The following SPOCK1 variants were observed in gnomAD, a reference collection of about 807,000 sequenced individuals.
SPOCK1 encodes the protein SPARC (osteonectin), cwcv and kazal like domains proteoglycan 1.
In SPOCK1, 23 loss-of-function variants were observed where a neutral mutation model predicts 55.3. The observed-to-expected ratio is 0.42, with a 90% CI of 0.30 to 0.59. The LOEUF (loss-of-function observed/expected upper bound fraction) is 0.59, where lower values mean the gene tolerates loss of function less well. Ranked by LOEUF, SPOCK1 falls within the 20% of genes least tolerant of loss-of-function variation. The pLI is 0.22. For synonymous variants in SPOCK1, 226 were observed against 221.0 expected (o/e 1.02, Z -0.20); for missense variants, 499 against 552.5 (o/e 0.90, Z 0.97).
intron 5 of SPOCK1, among the ~76,000 whole-genome samples, chr5:137,083,953 T>A (rs1752916823): frequency 6.6e-6 from 1 of 152,014 alleles, no homozygotes; most frequent in Non-Finnish European, 1.5e-5. Flanking sequence ...ATCCCAGCTC[T>A]TGCTTGCCCA....
intron 3 of SPOCK1, among the ~76,000 whole-genome samples, chr5:137,195,826 A>G (rs1314174901): frequency 1.3e-5 from 2 of 152,180 alleles, no homozygotes; most frequent in Non-Finnish European, 2.9e-5. Flanking sequence ...TGGCTGGAAT[A>G]GGCTGGGCCA....
chr5:137,101,237 C>A (rs868717264), intron 5 of SPOCK1, among the ~76,000 whole-genome samples: 3 of 152,204 alleles, frequency 2.0e-5, no homozygotes, highest in Non-Finnish European at 4.4e-5. Flanking sequence ...AGGCTTATAG[C>A]ACTGTGTCTA....
chr5:137,002,581 A>G (rs1005645000), intron 6 of SPOCK1, among the ~76,000 whole-genome samples: 9 of 152,130 alleles, frequency 5.9e-5, no homozygotes, highest in African/African-American at 2.2e-4. Flanking sequence ...ATTTCCCTAC[A>G]TGGGAGACTT....
chr5:137,029,841 A>G (rs1580715290), intron 6 of SPOCK1, among the ~76,000 whole-genome samples: 1 of 152,356 alleles, frequency 6.6e-6, no homozygotes, highest in East Asian at 1.9e-4. Context: ...TTTAACAATA[A>G]TATGAAGAAG....
At chr5:137,068,812 A>G (rs1193606391) in intron 5 of SPOCK1, among the ~76,000 whole-genome samples, 2 of 152,190 alleles carry the variant, frequency 1.3e-5, no homozygotes, top group East Asian at 1.9e-4. Context: ...CAACTTTGCT[A>G]TTGGCCTGGA....
At chr5:137,309,455 C>T (rs1757752584) in intron 2 of SPOCK1, among the ~76,000 whole-genome samples, 1 of 152,198 alleles carries the variant, frequency 6.6e-6, no homozygotes, top group African/African-American at 2.4e-5. Flanking sequence ...AGGAACCAAA[C>T]CAAACCTCCC....
intron 6 of SPOCK1, among the ~76,000 whole-genome samples, chr5:137,000,738 A>G (rs1751134039): frequency 6.6e-5 from 10 of 152,158 alleles, no homozygotes. Context: ...AAGCTTAAAA[A>G]CAGGAGAGAG....
intron 7 of SPOCK1, among the ~76,000 whole-genome samples, chr5:136,990,274 T>G (rs772674463): frequency 2.2e-4 from 34 of 152,054 alleles, no homozygotes; most frequent in Non-Finnish European, 4.3e-4. Context: ...GCCAGTAAAA[T>G]AAGTACAGCA....
chr5:137,123,188 C>A (rs1238281239), intron 4 of SPOCK1, among the ~76,000 whole-genome samples: 5 of 152,198 alleles, frequency 3.3e-5, no homozygotes, highest in African/African-American at 9.6e-5. Context: ...TCTTCACAGT[C>A]AGTGTTGGAG....
At chr5:137,194,332 T>C (rs1332459583) in intron 3 of SPOCK1, among the ~76,000 whole-genome samples, 1 of 152,178 alleles carries the variant, frequency 6.6e-6, no homozygotes, top group African/African-American at 2.4e-5. Flanking sequence ...GTATTGACTG[T>C]GCTGGGGCCA....
chr5:137,210,681 C>A (rs764520753), intron 3 of SPOCK1, among the ~76,000 whole-genome samples: 30 of 152,194 alleles, frequency 2.0e-4, no homozygotes, highest in Non-Finnish European at 3.8e-4. Context: ...AGCTGTCATT[C>A]TCTAGATAAC....
chr5:137,492,039 G>C (rs144943603), intron 2 of SPOCK1, among the ~76,000 whole-genome samples: 95 of 152,182 alleles, frequency 6.2e-4, no homozygotes, highest in African/African-American at 2.2e-3. Flanking sequence ...CCATAAGCTT[G>C]GTCAACACAG....
At chr5:137,494,367 G>T (rs1374479161) in intron 2 of SPOCK1, among the ~76,000 whole-genome samples, 2 of 152,184 alleles carry the variant, frequency 1.3e-5, no homozygotes, top group Non-Finnish European at 2.9e-5. Context: ...CTCAGCCCCT[G>T]ATTGGCTGTG....
intron 2 of SPOCK1, among the ~76,000 whole-genome samples, chr5:137,389,447 G>A (rs1169570659): frequency 6.6e-6 from 1 of 152,268 alleles, no homozygotes; most frequent in African/African-American, 2.4e-5. Flanking sequence ...CATTGCTGAA[G>A]TGAACCAGAA....
chr5:137,086,892 C>T (rs1198178546), intron 5 of SPOCK1, among the ~76,000 whole-genome samples: 1 of 152,126 alleles, frequency 6.6e-6, no homozygotes, highest in Admixed American at 6.5e-5. Flanking sequence ...TTTTAAGGGA[C>T]CTAGGAAGCC....
intron 2 of SPOCK1, among the ~76,000 whole-genome samples, chr5:137,413,013 G>A (rs1408535943): frequency 6.6e-6 from 1 of 151,656 alleles, no homozygotes. Context: ...AAAACAACAT[G>A]TAGCATCTAA....
chr5:137,319,817 C>T (rs923040280), intron 2 of SPOCK1, among the ~76,000 whole-genome samples: 4 of 151,626 alleles, frequency 2.6e-5, no homozygotes, highest in African/African-American at 4.8e-5. Flanking sequence ...CGGTGGCGGG[C>T]GCCTGTAGTC....
At chr5:137,369,683 T>C (rs1448868451) in intron 2 of SPOCK1, among the ~76,000 whole-genome samples, 1 of 152,216 alleles carries the variant, frequency 6.6e-6, no homozygotes, top group Non-Finnish European at 1.5e-5. Flanking sequence ...TTCTAGAGGC[T>C]GCAAGTCTAA....
chr5:137,151,825 A>G (rs1754323956), intron 3 of SPOCK1, among the ~76,000 whole-genome samples: 1 of 152,184 alleles, frequency 6.6e-6, no homozygotes, highest in African/African-American at 2.4e-5. Context: ...ATGAGCTACA[A>G]AGCATTTGCA....
Sources: allele counts gnomAD v4.1 joint callset (sites outside exome capture counted in the v4.1 genomes callset), GRCh38; gene constraint gnomAD v4.1.1; transcripts MANE v1.5; gene names NCBI Gene and HGNC (gene_info 2026-07-23, HGNC 2026-07-21).